ST6GALNAC3: variants seen among roughly 807,000 people sequenced by gnomAD.
The protein encoded by ST6GALNAC3 is ST6 N-acetylgalactosaminide alpha-2,6-sialyltransferase 3, also known as alpha-N-acetylgalactosaminide alpha-2,6-sialyltransferase 3.
Under a neutral mutation model 32.7 loss-of-function variants are expected in ST6GALNAC3, and 25 were observed. The observed-to-expected ratio is 0.76, with a 90% CI of 0.56 to 1.07. The LOEUF is 1.07. Among genes scored for constraint, ST6GALNAC3 ranks in the 50% least tolerant of loss-of-function variants. ST6GALNAC3 has a pLI of 0.00. For synonymous variants in ST6GALNAC3, 129 were observed against 133.1 expected (o/e 0.97, Z 0.21); for missense variants, 355 against 382.4 (o/e 0.93, Z 0.60).
chr1:76,144,212 G>C (rs1303838938), intron 1 of ST6GALNAC3, among the ~76,000 whole-genome samples: 1 of 152,122 alleles, frequency 6.6e-6, no homozygotes, highest in South Asian at 2.1e-4. Flanking sequence ...CGTGCTGCTT[G>C]GCCACAATGG....
chr1:76,478,980 G>C (rs1035619463), intron 3 of ST6GALNAC3, among the ~76,000 whole-genome samples: 1 of 151,828 alleles, frequency 6.6e-6, no homozygotes, highest in East Asian at 1.9e-4. Flanking sequence ...AGACAGGATG[G>C]TCTCGATCTC....
rs116260540 is a variant in ST6GALNAC3, at chr1:76,537,706, A to C, written c.624-89746A>C. On this transcript the variant is annotated intron_variant, in intron 3 of 4. Transcript: ENST00000328299. ...AGGATGTCACCACTGATCCCACAGA[A>C]ATGCAAACTACCATCAGAGGATACT... 8.1e-3 allele frequency among the ~76,000 whole-genome samples: 1,232 copies of C among 152,318 alleles called. 8 individuals carry two copies. Among genetic ancestry groups the C allele is most frequent in the Non-Finnish European group, 0.013 (879 of 68,018 alleles).
At chr1:76,594,639 ATAGATG>A (rs1344025548) in intron 3 of ST6GALNAC3, among the ~76,000 whole-genome samples, 1 of 152,220 alleles carries the variant, frequency 6.6e-6, no homozygotes, top group Non-Finnish European at 1.5e-5. Flanking sequence ...GATAGAATAG[ATAGATG>A]TAGATAGATA....
At chr1:76,200,446 A>G (rs1202335896) in intron 1 of ST6GALNAC3, among the ~76,000 whole-genome samples, 1 of 152,094 alleles carries the variant, frequency 6.6e-6, no homozygotes, top group Non-Finnish European at 1.5e-5. Flanking sequence ...AGATCCCTCT[A>G]TCTTTCAGGG....
At chr1:76,368,334 G>A (rs562491459) in intron 2 of ST6GALNAC3, among the ~76,000 whole-genome samples, 1 of 152,332 alleles carries the variant, frequency 6.6e-6, no homozygotes, top group South Asian at 2.1e-4. Flanking sequence ...CCTTTAAGGT[G>A]TGGTATCTGG....
intron 2 of ST6GALNAC3, among the ~76,000 whole-genome samples, chr1:76,363,055 C>T (rs1010304575): frequency 6.6e-6 from 1 of 152,230 alleles, no homozygotes. Flanking sequence ...GCTCCTGCAA[C>T]AGGCTTCTTC....
chr1:76,578,514 T>C (rs936013145), intron 3 of ST6GALNAC3, among the ~76,000 whole-genome samples: 2 of 152,058 alleles, frequency 1.3e-5, no homozygotes, highest in African/African-American at 4.8e-5. Context: ...ATCTTTTTAT[T>C]GCTTGATTTG....
intron 2 of ST6GALNAC3, among the ~76,000 whole-genome samples, chr1:76,375,151 A>G (rs1055312366): frequency 4.6e-5 from 7 of 152,198 alleles, no homozygotes; most frequent in African/African-American, 1.7e-4. Flanking sequence ...CCATTAGAGT[A>G]TACCCCATGT....
At chr1:76,194,281 AAAGGACTATTAT>A (rs1306945028) in intron 1 of ST6GALNAC3, among the ~76,000 whole-genome samples, 5 of 152,194 alleles carry the variant, frequency 3.3e-5, no homozygotes, top group Non-Finnish European at 7.4e-5. Flanking sequence ...GTACGAGCTT[AAAGGACTATTAT>A]ATATGCAAGG....
intron 1 of ST6GALNAC3, among the ~76,000 whole-genome samples, chr1:76,206,729 C>T (rs1029472258): frequency 6.7e-5 from 10 of 149,806 alleles, no homozygotes; most frequent in Non-Finnish European, 1.0e-4. Flanking sequence ...GAGACTCTGT[C>T]TAAAAAAAAA....
At chr1:76,481,034 T>G (rs899974325) in intron 3 of ST6GALNAC3, among the ~76,000 whole-genome samples, 7 of 152,148 alleles carry the variant, frequency 4.6e-5, no homozygotes, top group Non-Finnish European at 1.0e-4. Flanking sequence ...CCTTGCATCA[T>G]CATACAGTAA....
chr1:76,520,948 A>G (rs1052090125), intron 3 of ST6GALNAC3, among the ~76,000 whole-genome samples: 5 of 151,776 alleles, frequency 3.3e-5, no homozygotes, highest in African/African-American at 1.2e-4. Flanking sequence ...ATTTATATCC[A>G]CCTTATTATT....
chr1:76,179,584 T>C (rs1280558355), intron 1 of ST6GALNAC3, among the ~76,000 whole-genome samples: 1 of 152,188 alleles, frequency 6.6e-6, no homozygotes, highest in African/African-American at 2.4e-5. Flanking sequence ...GTTCCTCCCT[T>C]TTACTCAGAA....
At chr1:76,508,396 AG>A (rs939469328) in intron 3 of ST6GALNAC3, among the ~76,000 whole-genome samples, 5 of 152,148 alleles carry the variant, frequency 3.3e-5, no homozygotes, top group African/African-American at 1.2e-4. Flanking sequence ...CCCTAGGGTT[AG>A]GGACTCCTGC....
chr1:76,333,510 A>T (rs1647246838), intron 2 of ST6GALNAC3, among the ~76,000 whole-genome samples: 1 of 152,212 alleles, frequency 6.6e-6, no homozygotes, highest in Admixed American at 6.5e-5. Flanking sequence ...TCTGTAAATC[A>T]GTTCAAATGT....
intron 2 of ST6GALNAC3, among the ~76,000 whole-genome samples, chr1:76,344,520 A>C (rs894416166): frequency 3.9e-5 from 6 of 152,284 alleles, no homozygotes; most frequent in African/African-American, 1.4e-4. Flanking sequence ...TGTAAACTCT[A>C]TAAGGAACTT....
chr1:76,107,789 A>T (rs1421318985), intron 1 of ST6GALNAC3, among the ~76,000 whole-genome samples: 1 of 152,134 alleles, frequency 6.6e-6, no homozygotes, highest in Non-Finnish European at 1.5e-5. Flanking sequence ...TCTATGGCAG[A>T]TCTACATTCT....
intron 1 of ST6GALNAC3, among the ~76,000 whole-genome samples, chr1:76,124,842 G>A (rs1649138779): frequency 6.6e-6 from 1 of 152,138 alleles, no homozygotes; most frequent in Non-Finnish European, 1.5e-5. Flanking sequence ...GCTACTAGCT[G>A]TATGTGGCTC....
At chr1:76,579,571 T>A (rs192716818) in intron 3 of ST6GALNAC3, among the ~76,000 whole-genome samples, 1 of 152,190 alleles carries the variant, frequency 6.6e-6, no homozygotes, top group East Asian at 1.9e-4. Context: ...TGTCCATAGA[T>A]TGATTTATCT....
Sources: allele counts gnomAD v4.1 joint callset (sites outside exome capture counted in the v4.1 genomes callset), GRCh38; gene constraint gnomAD v4.1.1; transcripts MANE v1.5; gene names NCBI Gene and HGNC (gene_info 2026-07-23, HGNC 2026-07-21).